The following TAFA1 variants were observed in gnomAD, a reference collection of about 807,000 sequenced individuals.
TAFA1 encodes the protein chemokine-like protein TAFA-1.
Under a neutral mutation model 18.5 loss-of-function variants are expected in TAFA1, and 4 were observed. The ratio of observed to expected loss-of-function variants is 0.22; its 90% CI spans 0.11 to 0.49. The LOEUF (loss-of-function observed/expected upper bound fraction) is 0.49, where lower values mean the gene tolerates loss of function less well. Among genes scored for constraint, TAFA1 ranks in the 20% least tolerant of loss-of-function variants. The pLI is 0.98. For synonymous variants in TAFA1, 56 were observed against 55.2 expected, an observed-to-expected ratio of 1.01 and a Z score of -0.06; for missense variants, 147 against 169.0, an observed-to-expected ratio of 0.87 and a Z score of 0.72.
At chr3:68,509,940 C>T (rs1023498839) in intron 3 of TAFA1, among the ~76,000 whole-genome samples, 22 of 152,078 alleles carry the variant, frequency 1.4e-4, no homozygotes, top group African/African-American at 5.3e-4. Context: ...AATTTATGCC[C>T]TCTTGACTCA....
intron 2 of TAFA1, among the ~76,000 whole-genome samples, chr3:68,135,827 A>G (rs1321909064): frequency 1.3e-5 from 2 of 152,196 alleles, no homozygotes; most frequent in Admixed American, 6.5e-5. Context: ...CATTTAAACA[A>G]TGGTAGATAT....
At chr3:68,361,415 A>G (rs554731400) in intron 2 of TAFA1, among the ~76,000 whole-genome samples, 1 of 152,154 alleles carries the variant, frequency 6.6e-6, no homozygotes, top group East Asian at 1.9e-4. Context: ...AAAAGCGCCA[A>G]TGTTCGATAG....
intron 2 of TAFA1, among the ~76,000 whole-genome samples, chr3:68,218,881 C>G (rs1458734155): frequency 6.6e-6 from 1 of 152,078 alleles, no homozygotes; most frequent in African/African-American, 2.4e-5. Flanking sequence ...ACTTTAGTTT[C>G]TTACTATCCG....
At chr3:68,245,136 G>A (rs773413285) in intron 2 of TAFA1, among the ~76,000 whole-genome samples, 5 of 152,260 alleles carry the variant, frequency 3.3e-5, no homozygotes, top group Admixed American at 1.3e-4. Context: ...GACTGGTTAC[G>A]AAATTTGACC....
intron 2 of TAFA1, among the ~76,000 whole-genome samples, chr3:68,400,594 T>C (rs1002800307): frequency 3.3e-5 from 5 of 152,220 alleles, no homozygotes; most frequent in Admixed American, 6.5e-5. Flanking sequence ...ACTGCTAAAT[T>C]CTATTCCTCT....
At chr3:68,413,934 G>T (rs2070764181) in intron 2 of TAFA1, among the ~76,000 whole-genome samples, 2 of 152,066 alleles carry the variant, frequency 1.3e-5, no homozygotes, top group South Asian at 4.2e-4. Context: ...ACCCTCATGG[G>T]GTACATGCCT....
intron 2 of TAFA1, among the ~76,000 whole-genome samples, chr3:68,322,339 C>T (rs2106708505): frequency 6.6e-6 from 1 of 152,260 alleles, no homozygotes; most frequent in Non-Finnish European, 1.5e-5. Context: ...TGGGTTTGTG[C>T]CCTTGACGTT....
chr3:68,387,113 G>A (rs2070122388), intron 2 of TAFA1, among the ~76,000 whole-genome samples: 1 of 151,292 alleles, frequency 6.6e-6, no homozygotes, highest in Admixed American at 6.6e-5. Context: ...GAGCCCTTAA[G>A]CACAAGAAGA....
At chr3:68,186,304 C>T (rs2066271280) in intron 2 of TAFA1, among the ~76,000 whole-genome samples, 1 of 151,992 alleles carries the variant, frequency 6.6e-6, no homozygotes, top group African/African-American at 2.4e-5. Context: ...TGGTGTGCTT[C>T]CCTAACCCTT....
intron 2 of TAFA1, among the ~76,000 whole-genome samples, chr3:68,083,780 C>T (rs1277174145): frequency 1.3e-5 from 2 of 152,152 alleles, no homozygotes; most frequent in Non-Finnish European, 2.9e-5. Flanking sequence ...AACTAGCTGA[C>T]ATTCAGCCTT....
intron 3 of TAFA1, among the ~76,000 whole-genome samples, chr3:68,422,784 C>A (rs1404668873): frequency 6.6e-6 from 1 of 151,978 alleles, no homozygotes; most frequent in East Asian, 1.9e-4. Context: ...AGCATTATAT[C>A]CTTGAACCTG....
At chr3:68,263,872 A>C (rs1177076813) in intron 2 of TAFA1, among the ~76,000 whole-genome samples, 1 of 152,202 alleles carries the variant, frequency 6.6e-6, no homozygotes, top group Non-Finnish European at 1.5e-5. Flanking sequence ...ATTGATTTTG[A>C]AATTATTCAT....
intron 2 of TAFA1, among the ~76,000 whole-genome samples, chr3:68,183,982 T>C (rs1035820943): frequency 2.6e-5 from 4 of 152,158 alleles, no homozygotes; most frequent in African/African-American, 9.6e-5. Flanking sequence ...CAAAAAGATA[T>C]TCCCCTTCAT....
intron 2 of TAFA1, among the ~76,000 whole-genome samples, chr3:68,315,329 T>C (rs2068590035): frequency 6.6e-6 from 1 of 152,184 alleles, no homozygotes; most frequent in African/African-American, 2.4e-5. Flanking sequence ...CAGTTGTTGG[T>C]GTGGAAGGAC....
intron 2 of TAFA1, among the ~76,000 whole-genome samples, chr3:68,314,401 CAACACAT>C (rs796384397): frequency 2.7e-4 from 41 of 152,260 alleles, no homozygotes; most frequent in African/African-American, 9.4e-4. Flanking sequence ...GTCATGCCAC[CAACACAT>C]AATCATTCCT....
chr3:68,133,547 C>A (rs1466511208), intron 2 of TAFA1, among the ~76,000 whole-genome samples: 1 of 152,120 alleles, frequency 6.6e-6, no homozygotes, highest in Non-Finnish European at 1.5e-5. Context: ...TTTCCTCAAG[C>A]AGTGGTTTGT....
intron 2 of TAFA1, among the ~76,000 whole-genome samples, chr3:68,088,179 A>C (rs888398786): frequency 5.9e-5 from 9 of 152,230 alleles, no homozygotes; most frequent in African/African-American, 1.9e-4. Context: ...TGGACTTGGA[A>C]ATAATAATAT....
intron 2 of TAFA1, among the ~76,000 whole-genome samples, chr3:68,173,088 G>A (rs1305024439): frequency 6.6e-6 from 1 of 151,824 alleles, no homozygotes; most frequent in Non-Finnish European, 1.5e-5. Context: ...CTTGAGCTCA[G>A]TACAAAAAAG....
At chr3:68,387,200 C>G (rs1158908007) in intron 2 of TAFA1, among the ~76,000 whole-genome samples, 3 of 151,998 alleles carry the variant, frequency 2.0e-5, no homozygotes, top group Admixed American at 6.6e-5. Context: ...ACTAAAAGTT[C>G]TGGTGACTAT....
Sources: allele counts gnomAD v4.1 joint callset (sites outside exome capture counted in the v4.1 genomes callset), GRCh38; gene constraint gnomAD v4.1.1; transcripts MANE v1.5; gene names NCBI Gene and HGNC (gene_info 2026-07-23, HGNC 2026-07-21).